The following CACNA2D3 variants were observed in gnomAD, a reference collection of about 807,000 sequenced individuals.
CACNA2D3 encodes voltage-dependent calcium channel subunit alpha-2/delta-3.
A neutral mutation model predicts 160.6 loss-of-function variants in CACNA2D3; 60 were observed. The ratio of observed to expected loss-of-function variants is 0.37; its 90% CI spans 0.30 to 0.46. The LOEUF (loss-of-function observed/expected upper bound fraction) is 0.46. Ranked by LOEUF, CACNA2D3 falls within the 20% of genes least tolerant of loss-of-function variation. The pLI, the probability that CACNA2D3 is intolerant of heterozygous loss-of-function variation, is 1.00. For missense variants in CACNA2D3, 1,205 were observed against 1,365.0 expected (o/e 0.88, Z 1.85); for synonymous variants, 558 against 492.9 (o/e 1.13, Z -1.75).
At position 54,183,483 on chromosome 3, in the gene CACNA2D3, A is replaced by G. The variant is rs74829801; in HGVS notation, c.204+59889A>G. 3.0e-4 allele frequency among the ~76,000 whole-genome samples: 46 copies of G among 152,070 alleles called. 1 individual carries two copies. The East Asian group carries it at 7.9e-3, about 26-fold the overall frequency. ...CCATATACTTGGGTGCTTTTTGCCAACGCGCCTTTTTCCTTTCTAAAACTT... is the reference window on the plus strand; with the variant it reads ...CCATATACTTGGGTGCTTTTTGCCAGCGCGCCTTTTTCCTTTCTAAAACTT... On this transcript the variant is annotated intron_variant, in intron 2 of 37. Coordinates refer to ENST00000474759, the MANE Select transcript of CACNA2D3 (RefSeq NM_018398.3).
chr3:55,068,373 C>A (rs1392358922), intron 35 of CACNA2D3, among the ~76,000 whole-genome samples: 3 of 152,170 alleles, frequency 2.0e-5, no homozygotes, highest in Non-Finnish European at 4.4e-5. Context: ...CCTTCCCTTC[C>A]TTCTTCTCTA....
At chr3:54,804,961 G>A (rs1432062132) in intron 13 of CACNA2D3, among the ~76,000 whole-genome samples, 1 of 152,232 alleles carries the variant, frequency 6.6e-6, no homozygotes, top group African/African-American at 2.4e-5. Flanking sequence ...ACTGGGTACA[G>A]AACGAAATGA....
chr3:54,866,403 A>C (rs1378389207), intron 17 of CACNA2D3, among the ~76,000 whole-genome samples: 1 of 152,090 alleles, frequency 6.6e-6, no homozygotes, highest in African/African-American at 2.4e-5. Context: ...CCAGCTGAGG[A>C]CTGCGGCTGC....
intron 3 of CACNA2D3, among the ~76,000 whole-genome samples, chr3:54,354,013 C>A (rs542886089): frequency 6.6e-6 from 1 of 152,130 alleles, no homozygotes; most frequent in Admixed American, 6.5e-5. Flanking sequence ...TTTTCTTTCC[C>A]CTTTAGTGTT....
At chr3:54,221,872 G>A (rs1040056746) in intron 2 of CACNA2D3, among the ~76,000 whole-genome samples, 1 of 151,158 alleles carries the variant, frequency 6.6e-6, no homozygotes, top group African/African-American at 2.4e-5. Flanking sequence ...TTTTTGAGAT[G>A]AGGCATTCTT....
rs765060799 is a variant in CACNA2D3 at position 54,871,535 on chromosome 3, C to T, written c.1627-4C>T. 20 of 1,606,800 alleles carry T rather than the reference C, an allele frequency of 1.2e-5. No individual in the cohort carries two copies. The highest frequency in any genetic ancestry group is 5.5e-5 in the South Asian group (5 of 90,838). ...TCTTTTCTTTTTCTTCTTCCCCTTG[C>T]TAGTACGAAGAAGGAAAAAAGCGAA... On this transcript the variant is annotated splice_polypyrimidine_tract_variant and splice_region_variant and intron_variant, in intron 17 of 37. Transcript: ENST00000474759.
Position 54,581,853 on chromosome 3 carries a change from G to A in CACNA2D3, c.939G>A (p.Val313=). Reference sequence around the variant, plus strand: ...AACCTTGCCTGAATGGAACTTTGGTGCAAGCCGACAGGACAAACAAAGAGG... The same window carrying A: ...AACCTTGCCTGAATGGAACTTTGGTACAAGCCGACAGGACAAACAAAGAGG... The part of the protein sequence containing the change: ...YVEPCLNGTL[V]QADRTNKEHF... Residue 313 remains valine, a synonymous_variant, in exon 9 of 38, where the codon GTG becomes GTA. Transcript: ENST00000474759. The A allele has an allele frequency of 6.2e-7, 1 of 1,613,798 alleles. No homozygotes were observed. Among genetic ancestry groups the A allele is most frequent in the Non-Finnish European group, 8.5e-7 (1 of 1,179,838 alleles).
chr3:54,768,318 C>T (rs560710963), intron 13 of CACNA2D3, among the ~76,000 whole-genome samples: 25 of 152,298 alleles, frequency 1.6e-4, no homozygotes, highest in African/African-American at 5.8e-4. Flanking sequence ...GAGAAAGACA[C>T]ATCACACTTA....
At chr3:54,683,699 C>T in intron 11 of CACNA2D3, among the ~76,000 whole-genome samples, 1 of 152,142 alleles carries the variant, frequency 6.6e-6, no homozygotes, top group South Asian at 2.1e-4. Context: ...TCAGGGATGC[C>T]TTGTATCACA....
In CACNA2D3 at chr3:54,702,217, T is replaced by C. The variant is rs570455482; in HGVS notation, c.1168-50382T>C. 2.6e-5 allele frequency among the ~76,000 whole-genome samples: 4 copies of C among 152,266 alleles called. No individual in the cohort carries two copies. In the South Asian group the frequency reaches 6.2e-4, roughly 24 times the overall value. On this transcript the variant is annotated intron_variant, in intron 11 of 37. Transcript: ENST00000474759. Reference sequence around the variant, plus strand: ...ATAGGCCTTGGGAAAGAATTTGTGATGAAAACTCTCAAAAGCAATTGCAAC... The same window carrying C: ...ATAGGCCTTGGGAAAGAATTTGTGACGAAAACTCTCAAAAGCAATTGCAAC...
chr3:54,488,856 A>G (rs1396045368), intron 4 of CACNA2D3, among the ~76,000 whole-genome samples: 1 of 152,130 alleles, frequency 6.6e-6, no homozygotes, highest in Non-Finnish European at 1.5e-5. Context: ...TAAGTACTAT[A>G]TGGGACAGGC....
chr3:54,701,467 G>A (rs567945989), intron 11 of CACNA2D3, among the ~76,000 whole-genome samples: 12 of 152,170 alleles, frequency 7.9e-5, no homozygotes, highest in South Asian at 2.1e-4. Context: ...ATGTAAATAT[G>A]TGTTATAAAT....
chr3:54,997,937 T>A (rs1030184415), intron 31 of CACNA2D3, among the ~76,000 whole-genome samples: 1 of 152,102 alleles, frequency 6.6e-6, no homozygotes, highest in Non-Finnish European at 1.5e-5. Context: ...GGAATTCATG[T>A]TTGGGAAGCA....
intron 3 of CACNA2D3, among the ~76,000 whole-genome samples, chr3:54,332,896 A>C (rs982083389): frequency 1.3e-5 from 2 of 152,110 alleles, no homozygotes; most frequent in African/African-American, 2.4e-5. Flanking sequence ...CCCTCCCCAC[A>C]TGGAGTTTAT....
chr3:54,254,866 G>T (rs968574487), intron 2 of CACNA2D3, among the ~76,000 whole-genome samples: 1 of 152,172 alleles, frequency 6.6e-6, no homozygotes, highest in Non-Finnish European at 1.5e-5. Context: ...GCAATGTGGA[G>T]GCTTTATCAA....
intron 18 of CACNA2D3, among the ~76,000 whole-genome samples, chr3:54,878,087 C>A (rs1016965433): frequency 6.6e-6 from 1 of 152,144 alleles, no homozygotes; most frequent in Non-Finnish European, 1.5e-5. Context: ...AGAATGCAAA[C>A]CCAAATCTAG....
At chr3:54,149,884 TC>T in intron 2 of CACNA2D3, among the ~76,000 whole-genome samples, 5 of 31,948 alleles carry the variant, frequency 1.6e-4, no homozygotes, top group African/African-American at 6.2e-4. Flanking sequence ...GAAGTATCTG[TC>T]TCTCTCTCTC....
intron 4 of CACNA2D3, among the ~76,000 whole-genome samples, chr3:54,449,829 A>G (rs1010799441): frequency 6.6e-6 from 1 of 152,196 alleles, no homozygotes; most frequent in Non-Finnish European, 1.5e-5. Flanking sequence ...AGAAGCAAGG[A>G]CCATTTAAAC....
intron 5 of CACNA2D3, among the ~76,000 whole-genome samples, chr3:54,512,059 G>C (rs1484462650): frequency 6.6e-6 from 1 of 152,152 alleles, no homozygotes; most frequent in Non-Finnish European, 1.5e-5. Context: ...AGGTCCCCCT[G>C]TTTGAGAAAG....
Sources: allele counts gnomAD v4.1 joint callset (sites outside exome capture counted in the v4.1 genomes callset), GRCh38; gene constraint gnomAD v4.1.1; transcripts MANE v1.5; gene names NCBI Gene and HGNC (gene_info 2026-07-23, HGNC 2026-07-21).